CLSTN2: variants seen among roughly 807,000 people sequenced by gnomAD.
The protein encoded by CLSTN2 is calsyntenin 2.
A neutral mutation model predicts 101.2 loss-of-function variants in CLSTN2; 48 were observed. The observed-to-expected ratio is 0.47, with a 90% CI of 0.38 to 0.60. CLSTN2 has a LOEUF of 0.60. CLSTN2 is among the 20% of genes least tolerant of loss of function. The probability of loss-of-function intolerance (pLI) is 0.00; values close to 1 mark genes in which losing one functional copy is unlikely to be tolerated. For synonymous variants in CLSTN2, 481 were observed against 463.6 expected (o/e 1.04, Z -0.48); for missense variants, 1,160 against 1,238.2 (o/e 0.94, Z 0.95).
intron 1 of CLSTN2, among the ~76,000 whole-genome samples, chr3:140,125,353 A>T (rs532847941): frequency 3.3e-5 from 5 of 152,274 alleles, no homozygotes; most frequent in African/African-American, 7.2e-5. Flanking sequence ...AGCAAAGCCC[A>T]CAAATGGGCA....
At chr3:140,025,633 G>C (rs1312366812) in intron 1 of CLSTN2, among the ~76,000 whole-genome samples, 1 of 152,194 alleles carries the variant, frequency 6.6e-6, no homozygotes, top group Non-Finnish European at 1.5e-5. Context: ...AAAGCAGGAA[G>C]AAGAGGAGAG....
chr3:140,442,160 G>A (rs903164892), intron 5 of CLSTN2, among the ~76,000 whole-genome samples: 1 of 151,978 alleles, frequency 6.6e-6, no homozygotes, highest in South Asian at 2.1e-4. Flanking sequence ...TGTCCCTCTC[G>A]GGTTTAGCTG....
chr3:140,160,792 T>C (rs1158150142), intron 1 of CLSTN2, among the ~76,000 whole-genome samples: 2 of 152,162 alleles, frequency 1.3e-5, no homozygotes, highest in African/African-American at 4.8e-5. Flanking sequence ...TCTATATCCC[T>C]AACCTACCAC....
At chr3:140,170,641 T>A (rs925912776) in intron 1 of CLSTN2, among the ~76,000 whole-genome samples, 2 of 152,168 alleles carry the variant, frequency 1.3e-5, no homozygotes, top group African/African-American at 4.8e-5. Flanking sequence ...GACCTGTACA[T>A]AGAAGGAAGT....
chr3:140,506,827 G>A (rs1934692606), intron 8 of CLSTN2: 1 of 152,164 alleles, frequency 6.6e-6, no homozygotes, highest in Non-Finnish European at 1.5e-5. Context: ...GGATTGGAAA[G>A]AGTACAAAAA....
At chr3:140,328,077 C>T (rs921360065) in intron 2 of CLSTN2, among the ~76,000 whole-genome samples, 2 of 152,154 alleles carry the variant, frequency 1.3e-5, no homozygotes, top group Admixed American at 6.5e-5. Flanking sequence ...CTTCCTTTCA[C>T]TTGCATTGGT....
chr3:140,279,301 G>T (rs557049210), intron 2 of CLSTN2, among the ~76,000 whole-genome samples: 1 of 152,190 alleles, frequency 6.6e-6, no homozygotes, highest in Non-Finnish European at 1.5e-5. Context: ...CTCAGCATCC[G>T]AATTCAGCAC....
At chr3:140,154,390 T>C (rs1367103063) in intron 1 of CLSTN2, among the ~76,000 whole-genome samples, 2 of 151,626 alleles carry the variant, frequency 1.3e-5, no homozygotes, top group Non-Finnish European at 2.9e-5. Flanking sequence ...AGGAGATGAG[T>C]TAGGAGTGGG....
At position 139,938,413 on chromosome 3, in the gene CLSTN2, T is replaced by A. The variant is rs140073692; in HGVS notation, c.109+2930T>A. 5.1e-3 allele frequency among the ~76,000 whole-genome samples: 778 copies of A among 152,328 alleles called. 6 individuals are homozygous for A. The highest frequency in any genetic ancestry group is 7.4e-3 in the Non-Finnish European group (506 of 68,034). On this transcript the variant is annotated intron_variant, in intron 1 of 16. Coordinates refer to ENST00000458420, the MANE Select transcript of CLSTN2 (RefSeq NM_022131.3). ...TTGCTTTAGGGACTCGAGCAGTTAA[T>A]CCCGGACAACTACCTGGGGTTTTCA... is the stretch of plus-strand genomic sequence containing the variant.
At chr3:140,192,361 T>C (rs2010580140) in intron 2 of CLSTN2, among the ~76,000 whole-genome samples, 1 of 151,930 alleles carries the variant, frequency 6.6e-6, no homozygotes, top group Non-Finnish European at 1.5e-5. Flanking sequence ...TCCTAGCTGA[T>C]TTTCGGACTA....
intron 1 of CLSTN2, among the ~76,000 whole-genome samples, chr3:139,940,028 C>T (rs543320621): frequency 6.6e-6 from 1 of 152,260 alleles, no homozygotes; most frequent in East Asian, 1.9e-4. Context: ...CCTTCCCAGG[C>T]TGGTTACTTC....
intron 5 of CLSTN2, among the ~76,000 whole-genome samples, chr3:140,430,505 A>AT (rs2107997545): frequency 1.3e-5 from 2 of 152,382 alleles, no homozygotes; most frequent in East Asian, 3.8e-4. Context: ...GGCCACACTC[A>AT]TTAGTTCACA....
intron 1 of CLSTN2, among the ~76,000 whole-genome samples, chr3:140,135,714 G>C (rs563442087): frequency 6.6e-6 from 1 of 152,154 alleles, no homozygotes; most frequent in Non-Finnish European, 1.5e-5. Context: ...CACTAGTCTG[G>C]TGGAAACATT....
At chr3:140,120,417 C>T (rs1309739612) in intron 1 of CLSTN2, among the ~76,000 whole-genome samples, 2 of 152,162 alleles carry the variant, frequency 1.3e-5, no homozygotes, top group Non-Finnish European at 2.9e-5. Flanking sequence ...TTTCTAGGAA[C>T]CTCGATGAGT....
At chr3:140,030,634 A>G (rs1418589202) in intron 1 of CLSTN2, among the ~76,000 whole-genome samples, 1 of 152,182 alleles carries the variant, frequency 6.6e-6, no homozygotes, top group Non-Finnish European at 1.5e-5. Flanking sequence ...TGGAGAGGAC[A>G]CAGGGCTACT....
intron 1 of CLSTN2, among the ~76,000 whole-genome samples, chr3:139,955,875 A>T (rs1935385804): frequency 6.6e-6 from 1 of 152,214 alleles, no homozygotes; most frequent in African/African-American, 2.4e-5. Context: ...TGGAGCAAAG[A>T]TGGAGTCCCT....
chr3:140,564,411 C>A (rs1475537155), intron 16 of CLSTN2, among the ~76,000 whole-genome samples: 1 of 152,180 alleles, frequency 6.6e-6, no homozygotes, highest in African/African-American at 2.4e-5. Context: ...TTTGTTAAAG[C>A]AAGCAAACAC....
chr3:139,981,091 C>G (rs541594913), intron 1 of CLSTN2, among the ~76,000 whole-genome samples: 1 of 151,310 alleles, frequency 6.6e-6, no homozygotes, highest in African/African-American at 2.4e-5. Context: ...GCCTGTGGGT[C>G]ATCTGCACAT....
In CLSTN2 at chr3:140,085,866, G is replaced by A. The variant is rs111474714; in HGVS notation, c.110-90085G>A. 2.6e-3 allele frequency among the ~76,000 whole-genome samples: 396 copies of A among 152,198 alleles called. 3 individuals carry two copies. Among genetic ancestry groups the A allele is most frequent in the African/African-American group, 8.9e-3 (369 of 41,536 alleles). ...GGTGTGACATAGTTGTGTATTCACC[G>A]GATCCTATGCTTTAGCTCTTCATGA... On this transcript the variant is annotated intron_variant, in intron 1 of 16. Transcript: ENST00000458420.
Sources: gnomAD v4.1 joint callset for allele counts (sites outside exome capture counted in the v4.1 genomes callset) on GRCh38, gnomAD v4.1.1 for gene constraint, MANE v1.5 for transcripts, NCBI Gene and HGNC (gene_info 2026-07-23, HGNC 2026-07-21) for gene names.